Variants in TMTC1 observed in about 807,000 individuals in gnomAD.
The protein encoded by TMTC1 is protein O-mannosyl-transferase TMTC1.
Under a neutral mutation model 104.8 loss-of-function variants are expected in TMTC1, and 73 were observed. That is an observed-to-expected ratio of 0.70 (90% confidence interval 0.58 to 0.85). TMTC1 has a LOEUF of 0.85. Among genes scored for constraint, TMTC1 ranks in the 40% least tolerant of loss-of-function variants. TMTC1 has a pLI of 0.00. For missense variants in TMTC1, 1,035 were observed against 1,096.1 expected (o/e 0.94, Z 0.79); for synonymous variants, 434 against 428.7 (o/e 1.01, Z -0.15).
intron 6 of TMTC1, among the ~76,000 whole-genome samples, chr12:29,629,135 C>G (rs1025099426): frequency 6.6e-6 from 1 of 151,664 alleles, no homozygotes; most frequent in Non-Finnish European, 1.5e-5. Context: ...CTGGCTAACA[C>G]AGTGAAACCC....
intron 15 of TMTC1, 118 bp from the exon 16 acceptor site, chr12:29,514,722 C>G (rs1432187758): frequency 1.7e-6 from 2 of 1,161,624 alleles, no homozygotes; most frequent in Non-Finnish European, 2.4e-6. Flanking sequence ...ATGTGACAAT[C>G]AAAGTACAAT....
At chr12:29,544,436 T>TCA (rs1029015750) in intron 10 of TMTC1, among the ~76,000 whole-genome samples, 33 of 151,442 alleles carry the variant, frequency 2.2e-4, no homozygotes, top group Non-Finnish European at 4.4e-5. Context: ...GAGATGCAGC[T>TCA]CACACACACA....
chr12:29,698,559 T>C (rs957037328), intron 5 of TMTC1, among the ~76,000 whole-genome samples: 2 of 152,214 alleles, frequency 1.3e-5, no homozygotes, highest in African/African-American at 4.8e-5. Context: ...CTTGGTCTTA[T>C]GTTTCTAAGT....
In TMTC1 at chr12:29,758,743, G is replaced by T. The variant is rs745920952; in HGVS notation, c.515C>A (p.Ala172Glu). ...AGIVGRADVL[A>E]CLLFLLAFLS... ...AAAGGCCAATAGAAACAGCAGACAC[G>T]CTAACACGTCCGCTCTGCCAACGAT... Residue 172 changes from alanine to glutamate, a missense_variant, in exon 3 of 18, where the codon GCG (alanine) becomes GAG (glutamate). Ala to Glu is a moderately radical substitution (Grantham distance 107). Coordinates refer to ENST00000539277, the MANE Select transcript of TMTC1 (RefSeq NM_001193451.2). The T allele has an allele frequency of 6.2e-7, 1 of 1,612,822 alleles. No individual in the cohort carries two copies. The highest frequency in any genetic ancestry group is 8.5e-7 in the Non-Finnish European group (1 of 1,179,550).
At chr12:29,684,460 G>A (rs11050368) in intron 5 of TMTC1, among the ~76,000 whole-genome samples, 21,066 of 152,126 alleles carry the variant, frequency 0.14, 1,743 homozygotes, top group East Asian at 0.34. Context: ...CAGCAAAAAA[G>A]AGGGCTTTCT....
intron 12 of TMTC1, chr12:29,519,873 G>C (rs1018266651): frequency 6.6e-6 from 1 of 152,196 alleles, no homozygotes; most frequent in African/African-American, 2.4e-5. Context: ...TAAAACAAGA[G>C]AGCTCCAAAT....
At chr12:29,741,972 T>C (rs1435712276) in intron 5 of TMTC1, among the ~76,000 whole-genome samples, 1 of 152,178 alleles carries the variant, frequency 6.6e-6, no homozygotes. Flanking sequence ...AGACCACTTT[T>C]TAAAATCAAA....
intron 1 of TMTC1, among the ~76,000 whole-genome samples, chr12:29,774,826 A>C (rs947042229): frequency 3.9e-5 from 6 of 152,198 alleles, no homozygotes; most frequent in Non-Finnish European, 8.8e-5. Context: ...ATGTATCTGA[A>C]GTACAAAATG....
At chr12:29,682,327 C>T (rs566108289) in intron 5 of TMTC1, among the ~76,000 whole-genome samples, 7 of 152,244 alleles carry the variant, frequency 4.6e-5, no homozygotes, top group East Asian at 1.9e-4. Context: ...AGTTTGGCAG[C>T]GTCTTAAAAA....
intron 5 of TMTC1, among the ~76,000 whole-genome samples, chr12:29,635,975 C>T (rs1436513521): frequency 1.3e-5 from 2 of 152,142 alleles, no homozygotes; most frequent in Non-Finnish European, 2.9e-5. Context: ...CTTAGGACAC[C>T]GTCAGAATAA....
intron 5 of TMTC1, among the ~76,000 whole-genome samples, chr12:29,744,215 T>A (rs1942895790): frequency 1.3e-5 from 2 of 152,234 alleles, no homozygotes; most frequent in Middle Eastern, 3.4e-3. Flanking sequence ...TCACAGGGGA[T>A]CAAATATTGC....
intron 2 of TMTC1, among the ~76,000 whole-genome samples, chr12:29,760,592 T>A (rs1943321078): frequency 6.6e-6 from 1 of 152,172 alleles, no homozygotes; most frequent in African/African-American, 2.4e-5. Context: ...AAAATCACCA[T>A]TCCTGAGAAG....
chr12:29,510,207 G>A (rs141940947), intron 17 of TMTC1, among the ~76,000 whole-genome samples: 200 of 152,266 alleles, frequency 1.3e-3, no homozygotes, highest in Non-Finnish European at 2.4e-3. Flanking sequence ...AACCTGTACA[G>A]CATATTAGTG....
chr12:29,622,825 G>A (rs1472541792), intron 6 of TMTC1, among the ~76,000 whole-genome samples: 1 of 152,172 alleles, frequency 6.6e-6, no homozygotes, highest in Non-Finnish European at 1.5e-5. Flanking sequence ...CACAGAACGA[G>A]ATAAATTCTA....
At chr12:29,531,465 T>C (rs1351731556) in intron 11 of TMTC1, among the ~76,000 whole-genome samples, 1 of 152,246 alleles carries the variant, frequency 6.6e-6, no homozygotes, top group East Asian at 1.9e-4. Flanking sequence ...TGTTTTTCAA[T>C]AGGCTATCAA....
chr12:29,749,097 C>T (rs919364079), intron 5 of TMTC1, among the ~76,000 whole-genome samples: 1 of 152,126 alleles, frequency 6.6e-6, no homozygotes, highest in Non-Finnish European at 1.5e-5. Context: ...TTAGCAAACA[C>T]TACAAATCAG....
chr12:29,730,687 C>G (rs1257123648), intron 5 of TMTC1, among the ~76,000 whole-genome samples: 1 of 152,158 alleles, frequency 6.6e-6, no homozygotes, highest in African/African-American at 2.4e-5. Flanking sequence ...AAGATTTCAC[C>G]TGCTCTTTCT....
At chr12:29,775,784 C>T (rs1023944268) in intron 1 of TMTC1, among the ~76,000 whole-genome samples, 1 of 152,076 alleles carries the variant, frequency 6.6e-6, no homozygotes, top group Non-Finnish European at 1.5e-5. Context: ...ATATCACATG[C>T]CTCACAGCCC....
At chr12:29,703,618 G>A (rs746981877) in intron 5 of TMTC1, among the ~76,000 whole-genome samples, 1 of 152,132 alleles carries the variant, frequency 6.6e-6, no homozygotes, top group Non-Finnish European at 1.5e-5. Flanking sequence ...CAACCACAAT[G>A]AGGCAATGAG....
Sources: gnomAD v4.1 joint callset for allele counts (sites outside exome capture counted in the v4.1 genomes callset) on GRCh38, gnomAD v4.1.1 for gene constraint, MANE v1.5 for transcripts, NCBI Gene and HGNC (gene_info 2026-07-23, HGNC 2026-07-21) for gene names.